ST6GALNAC3: variants seen among roughly 807,000 people sequenced by gnomAD.
ST6GALNAC3 encodes alpha-N-acetylgalactosaminide alpha-2,6-sialyltransferase 3.
In ST6GALNAC3, 25 loss-of-function variants were observed where a neutral mutation model predicts 32.7. That is an observed-to-expected ratio of 0.76 (90% CI 0.56 to 1.07). The LOEUF is 1.07. Among genes scored for constraint, ST6GALNAC3 ranks in the 50% least tolerant of loss-of-function variants. ST6GALNAC3 has a pLI of 0.00. For synonymous variants in ST6GALNAC3, 129 were observed against 133.1 expected (o/e 0.97, Z 0.21); for missense variants, 355 against 382.4 (o/e 0.93, Z 0.60).
intron 2 of ST6GALNAC3, among the ~76,000 whole-genome samples, chr1:76,367,616 T>G (rs1277630162): frequency 6.6e-6 from 1 of 152,148 alleles, no homozygotes; most frequent in Admixed American, 6.5e-5. Flanking sequence ...TAGATAGCTC[T>G]CTGAACTGGA....
chr1:76,263,389 A>AT lies in ST6GALNAC3; in HGVS notation c.19-50409dup, dbSNP rs942129054. On this transcript the variant is annotated intron_variant, in intron 1 of 4. Transcript: ENST00000328299. ...ATAAATCATAACTACCTTATGTAAT[A>AT]TTTTTTTATATGGGTATCAAGTCTA... 4.6e-5 allele frequency among the ~76,000 whole-genome samples: 6 copies of AT among 129,556 alleles called. 1 individual carries two copies. Among genetic ancestry groups the AT allele is most frequent in the Admixed American group, 2.1e-4 (3 of 14,338 alleles). The allele number at this position is 129,556 out of a possible 152,430, so 85.0% of individuals were successfully genotyped here.
At chr1:76,268,082 C>A (rs1388854534) in intron 1 of ST6GALNAC3, among the ~76,000 whole-genome samples, 3 of 152,164 alleles carry the variant, frequency 2.0e-5, no homozygotes, top group Non-Finnish European at 4.4e-5. Context: ...ATCCCCATGG[C>A]TGCTTGAAAT....
At chr1:76,080,780 A>G (rs753249880) in intron 1 of ST6GALNAC3, among the ~76,000 whole-genome samples, 5 of 152,186 alleles carry the variant, frequency 3.3e-5, no homozygotes, top group Non-Finnish European at 4.4e-5. Flanking sequence ...ACAGATGATA[A>G]ATCTGAAACC....
At chr1:76,117,358 A>G (rs2100825120) in intron 1 of ST6GALNAC3, among the ~76,000 whole-genome samples, 1 of 152,376 alleles carries the variant, frequency 6.6e-6, no homozygotes, top group East Asian at 1.9e-4. Context: ...GTCTAAGCAA[A>G]AACACTTGGA....
At chr1:76,576,910 C>A in intron 3 of ST6GALNAC3, 2 of 1,299,916 alleles carry the variant, frequency 1.5e-6, no homozygotes, top group Non-Finnish European at 2.0e-6. Context: ...CCTGCCCCAC[C>A]ACAAAAGGAA....
chr1:76,214,803 G>A (rs139719331), intron 1 of ST6GALNAC3, among the ~76,000 whole-genome samples: 12 of 152,282 alleles, frequency 7.9e-5, no homozygotes, highest in Admixed American at 7.8e-4. Context: ...CTGGGTCGTA[G>A]GGCAGTTGGG....
intron 1 of ST6GALNAC3, among the ~76,000 whole-genome samples, chr1:76,302,053 A>ATGGTGG (rs1032780316): frequency 6.6e-6 from 1 of 151,904 alleles, no homozygotes; most frequent in Non-Finnish European, 1.5e-5. Context: ...TAGAATGATG[A>ATGGTGG]TGGTGGTGGT....
At chr1:76,474,569 C>T (rs1020032287) in intron 3 of ST6GALNAC3, among the ~76,000 whole-genome samples, 2 of 152,124 alleles carry the variant, frequency 1.3e-5, no homozygotes, top group Non-Finnish European at 2.9e-5. Flanking sequence ...CTATGTAAAA[C>T]ACTCCTAAGC....
At chr1:76,555,564 AAAG>A (rs1664868888) in intron 3 of ST6GALNAC3, among the ~76,000 whole-genome samples, 1 of 152,172 alleles carries the variant, frequency 6.6e-6, no homozygotes, top group Admixed American at 6.5e-5. Context: ...TTTGAGATTC[AAAG>A]AAGGTGAGAC....
intron 1 of ST6GALNAC3, among the ~76,000 whole-genome samples, chr1:76,084,567 ACATGTCTT>A (rs1364919890): frequency 6.6e-6 from 1 of 152,210 alleles, no homozygotes; most frequent in Admixed American, 6.5e-5. Flanking sequence ...AGAACAAACC[ACATGTCTT>A]CTTTTAAGTC....
rs540574271 is a variant in ST6GALNAC3 at position 76,127,012 on chromosome 1, T to A, written c.18+52128T>A. Among the ~76,000 whole-genome samples, 54 of 152,342 alleles carry A rather than the reference T, an allele frequency of 3.5e-4. 1 individual carries two copies. Among genetic ancestry groups the A allele is most frequent in the African/African-American group, 1.3e-3 (53 of 41,584 alleles). On this transcript the variant is annotated intron_variant, in intron 1 of 4. Coordinates refer to ENST00000328299, the MANE Select transcript of ST6GALNAC3 (RefSeq NM_152996.4). ...TATTAGGCACATAAGAAAATGATGC[T>A]AACAAAGTTCAAAGTTGCTCCGTGT...
chr1:76,253,166 G>A (rs1657719265), intron 1 of ST6GALNAC3, among the ~76,000 whole-genome samples: 1 of 151,962 alleles, frequency 6.6e-6, no homozygotes, highest in South Asian at 2.1e-4. Context: ...GAAATAGAGA[G>A]GAAAATATAA....
chr1:76,382,666 T>C (rs1329356382), intron 2 of ST6GALNAC3, among the ~76,000 whole-genome samples: 2 of 152,212 alleles, frequency 1.3e-5, no homozygotes, highest in Admixed American at 6.5e-5. Flanking sequence ...TAAATGTTTA[T>C]AGCAATTGAT....
At chr1:76,266,545 T>C (rs987433245) in intron 1 of ST6GALNAC3, among the ~76,000 whole-genome samples, 8 of 152,202 alleles carry the variant, frequency 5.3e-5, no homozygotes, top group Non-Finnish European at 2.9e-5. Flanking sequence ...GTTTTCTACC[T>C]ATGAAAGTAA....
chr1:76,198,214 T>A (rs1654319286), intron 1 of ST6GALNAC3, among the ~76,000 whole-genome samples: 1 of 152,016 alleles, frequency 6.6e-6, no homozygotes, highest in South Asian at 2.1e-4. Context: ...TTAAAAAAAA[T>A]TAGTAGATAT....
At chr1:76,397,059 A>C (rs1031438383) in intron 2 of ST6GALNAC3, among the ~76,000 whole-genome samples, 2 of 152,194 alleles carry the variant, frequency 1.3e-5, no homozygotes, top group Non-Finnish European at 2.9e-5. Context: ...TAATATCTAG[A>C]AGAAGATTTA....
intron 2 of ST6GALNAC3, among the ~76,000 whole-genome samples, chr1:76,383,340 AG>A (rs1445922892): frequency 6.6e-6 from 1 of 152,164 alleles, no homozygotes; most frequent in African/African-American, 2.4e-5. Flanking sequence ...GTATGACCAA[AG>A]CTCACTGCAG....
At chr1:76,129,894 A>G (rs1359349202) in intron 1 of ST6GALNAC3, among the ~76,000 whole-genome samples, 1 of 152,100 alleles carries the variant, frequency 6.6e-6, no homozygotes, top group East Asian at 1.9e-4. Flanking sequence ...GATACCCCTC[A>G]CGATAGGTCA....
intron 1 of ST6GALNAC3, among the ~76,000 whole-genome samples, chr1:76,111,349 C>T (rs1173055659): frequency 1.3e-5 from 2 of 152,106 alleles, no homozygotes; most frequent in African/African-American, 2.4e-5. Flanking sequence ...TGCATCTCCA[C>T]TGGACATGCA....
Sources: allele counts gnomAD v4.1 joint callset (sites outside exome capture counted in the v4.1 genomes callset), GRCh38; gene constraint gnomAD v4.1.1; transcripts MANE v1.5; gene names NCBI Gene and HGNC (gene_info 2026-07-23, HGNC 2026-07-21).